Variants in C3orf49 observed in about 807,000 individuals in gnomAD.
The protein encoded by C3orf49 is putative uncharacterized protein C3orf49.
A neutral mutation model predicts 13.3 loss-of-function variants in C3orf49; 27 were observed. The ratio of observed to expected loss-of-function variants is 2.02; its 90% confidence interval spans 1.49 to 2.79. The LOEUF is 2.79. Among genes scored for constraint, C3orf49 ranks in the 30% most tolerant of loss-of-function variants. The pLI is 0.00. For missense variants in C3orf49, 242 were observed against 134.2 expected, an observed-to-expected ratio of 1.80 and a Z score of -3.97; for synonymous variants, 87 against 47.6, an observed-to-expected ratio of 1.83 and a Z score of -3.40.
chr3:63,788,658 T>C, the C3orf49 span, among the ~76,000 whole-genome samples: 1 of 152,042 alleles, frequency 6.6e-6, no homozygotes, highest in Non-Finnish European at 1.5e-5. Context: ...AGTCGTTCTT[T>C]CTTTCTTTAA....
the C3orf49 span, among the ~76,000 whole-genome samples, chr3:63,812,980 G>A: frequency 2.6e-5 from 4 of 152,312 alleles, no homozygotes; most frequent in South Asian, 8.3e-4. Context: ...GTTGGCATGT[G>A]AATGTAGATA....
At chr3:63,812,397 T>C in the C3orf49 span, among the ~76,000 whole-genome samples, 1 of 152,196 alleles carries the variant, frequency 6.6e-6, no homozygotes, top group Non-Finnish European at 1.5e-5. Flanking sequence ...GGGCCACACG[T>C]TGGACAAACT....
Position 63,819,526 on chromosome 3 carries a change from G to T in C3orf49, c.55G>T (p.Val19Phe), listed in dbSNP as rs957322321. 1.1e-5 allele frequency: 8 copies of T among 703,200 alleles called. No individual in the cohort carries two copies. In the Admixed American group the frequency reaches 1.6e-4, roughly 14 times the overall value. The allele number at this position is 703,200 out of a possible 1,614,324, so 43.6% of individuals were successfully genotyped here. ...ACCCTTTAAGATTGCCTACAGAAAA[G>T]TTGGACAGTGCCGAAGATTCCAGCA... ...PEPFKIAYRK[V>F]GQCRRFQQLK... Residue 19 changes from valine to phenylalanine, a missense_variant, in exon 1 of 7, where the codon GTT (valine) becomes TTT (phenylalanine). Coordinates refer to ENST00000295896, the MANE Select transcript of C3orf49 (RefSeq NM_001355236.2).
chr3:63,794,758 A>G, the C3orf49 span, among the ~76,000 whole-genome samples: 1 of 152,232 alleles, frequency 6.6e-6, no homozygotes, highest in Admixed American at 6.5e-5. Flanking sequence ...CTCCCTCAAC[A>G]TCTCAGCTGC....
chr3:63,842,247 C>T (rs1003750257), intron 5 of C3orf49, among the ~76,000 whole-genome samples: 4 of 152,016 alleles, frequency 2.6e-5, no homozygotes, highest in African/African-American at 9.7e-5. Flanking sequence ...AAATGCAAAT[C>T]AAAACCACAG....
intron 5 of C3orf49, among the ~76,000 whole-genome samples, chr3:63,839,328 A>G (rs1480109785): frequency 6.6e-6 from 1 of 152,236 alleles, no homozygotes; most frequent in Admixed American, 6.5e-5. Context: ...ATATACATAC[A>G]TAGCAGCAGC....
At chr3:63,837,500 T>C (rs1039990585) in intron 5 of C3orf49, among the ~76,000 whole-genome samples, 3 of 152,044 alleles carry the variant, frequency 2.0e-5, no homozygotes, top group African/African-American at 7.2e-5. Context: ...TATTAGATAT[T>C]CTAGGCAGTC....
chr3:63,825,706 C>T (rs1232330252), intron 2 of C3orf49, among the ~76,000 whole-genome samples: 2 of 152,198 alleles, frequency 1.3e-5, no homozygotes, highest in Non-Finnish European at 2.9e-5. Flanking sequence ...ATGTTTTTAT[C>T]TATTTAACAA....
intron 5 of C3orf49, among the ~76,000 whole-genome samples, chr3:63,837,247 C>T (rs1701654190): frequency 2.0e-5 from 3 of 151,890 alleles, no homozygotes; most frequent in Admixed American, 6.6e-5. Context: ...GAACCTAAGC[C>T]ATAAAAACCC....
chr3:63,813,880 G>C, the C3orf49 span, among the ~76,000 whole-genome samples: 3 of 152,220 alleles, frequency 2.0e-5, no homozygotes, highest in Non-Finnish European at 2.9e-5. Flanking sequence ...GCCAGAATTA[G>C]TGAGGACTCT....
chr3:63,837,867 T>C, intron 5 of C3orf49: 1 of 899,858 alleles, frequency 1.1e-6, no homozygotes, highest in Non-Finnish European at 1.6e-6. Flanking sequence ...GGATTTTTTT[T>C]AATCCAGGTT....
intron 5 of C3orf49, among the ~76,000 whole-genome samples, chr3:63,839,173 GA>G (rs1290470922): frequency 2.0e-5 from 3 of 152,064 alleles, no homozygotes; most frequent in Non-Finnish European, 4.4e-5. Context: ...CTGAACAACA[GA>G]ATGAGACTCT....
intron 3 of C3orf49, 26 bp downstream of exon 3, chr3:63,827,751 T>C (rs1701483847): frequency 1.4e-6 from 1 of 701,252 alleles, no homozygotes; most frequent in Non-Finnish European, 2.6e-6. Context: ...AATTTGCCTC[T>C]GAAGACTTAC....
the C3orf49 span, among the ~76,000 whole-genome samples, chr3:63,812,355 T>C: frequency 6.6e-6 from 1 of 152,266 alleles, no homozygotes; most frequent in South Asian, 2.1e-4. Context: ...TTGGACCACA[T>C]CCAAAGCCAT....
In C3orf49 at chr3:63,822,866, T is replaced by C. The variant is rs907319549; in HGVS notation, c.126-384T>C. Among the ~76,000 whole-genome samples the C allele has an allele frequency of 4.6e-5, 7 of 152,362 alleles. No individual in the cohort carries two copies. In the South Asian group the frequency reaches 1.4e-3, roughly 32 times the overall value. On this transcript the variant is annotated intron_variant, in intron 1 of 6. Coordinates refer to ENST00000295896, the MANE Select transcript of C3orf49 (RefSeq NM_001355236.2). ...TAGCAAAAACTATGTCAAACTATCA[T>C]TGAAATAAGATTGCCAATTTGCCAA...
At chr3:63,780,162 C>G in the C3orf49 span, among the ~76,000 whole-genome samples, 1 of 151,942 alleles carries the variant, frequency 6.6e-6, no homozygotes, top group Non-Finnish European at 1.5e-5. Context: ...CAAAAAAGGC[C>G]CCGGTGTGTG....
chr3:63,807,335 A>C, the C3orf49 span, among the ~76,000 whole-genome samples: 1 of 152,046 alleles, frequency 6.6e-6, no homozygotes, highest in Admixed American at 6.6e-5. Flanking sequence ...TTTTCATTTA[A>C]TCCTCACAAC....
chr3:63,844,821 A>C (rs1480716636), intron 5 of C3orf49, among the ~76,000 whole-genome samples: 1 of 152,206 alleles, frequency 6.6e-6, no homozygotes, highest in Non-Finnish European at 1.5e-5. Flanking sequence ...AAGTCAAATA[A>C]ACTTTTATTG....
rs538166532 is a variant in C3orf49, at chr3:63,821,306, T to G, written c.125+1710T>G. On this transcript the variant is annotated intron_variant, in intron 1 of 6. Transcript: ENST00000295896. ...TTTAGAACAGTGTTTTCCTGGAGAG[T>G]AGTACATATGCTACTGATGGTACAT... 2.3e-4 allele frequency among the ~76,000 whole-genome samples: 35 copies of G among 152,172 alleles called. 1 individual carries two copies. In the East Asian group the frequency reaches 6.6e-3, roughly 29 times the overall value.
Sources: gnomAD v4.1 joint callset for allele counts (sites outside exome capture counted in the v4.1 genomes callset) on GRCh38, gnomAD v4.1.1 for gene constraint, MANE v1.5 for transcripts, NCBI Gene and HGNC (gene_info 2026-07-23, HGNC 2026-07-21) for gene names.